The following ENTREP2 variants were observed in gnomAD, a reference collection of about 807,000 sequenced individuals.
The protein encoded by ENTREP2 is endosomal transmembrane epsin interactor 2.
At chr15:29,608,083 A>G in the ENTREP2 span, among the ~76,000 whole-genome samples, 2 of 152,064 alleles carry the variant, frequency 1.3e-5, no homozygotes, top group Non-Finnish European at 2.9e-5. Context: ...TGCCTGCTTT[A>G]TATTTGCTGG....
the ENTREP2 span, among the ~76,000 whole-genome samples, chr15:29,144,433 A>T: frequency 1.3e-5 from 2 of 152,204 alleles, no homozygotes; most frequent in Non-Finnish European, 2.9e-5. Flanking sequence ...AACTCTATCA[A>T]ATATTTAAAG....
chr15:29,483,498 G>C, the ENTREP2 span, among the ~76,000 whole-genome samples: 23 of 152,330 alleles, frequency 1.5e-4, no homozygotes, highest in African/African-American at 5.5e-4. Flanking sequence ...CTATTTTAAA[G>C]TGCATTTTTG....
the ENTREP2 span, among the ~76,000 whole-genome samples, chr15:29,154,679 G>A: frequency 0.039 from 5,945 of 152,256 alleles, 162 homozygotes; most frequent in Middle Eastern, 0.075. Flanking sequence ...TGCTCTGTGC[G>A]TGTGCTAGGA....
At chr15:29,299,016 T>C in the ENTREP2 span, among the ~76,000 whole-genome samples, 84 of 152,018 alleles carry the variant, frequency 5.5e-4, no homozygotes, top group Non-Finnish European at 9.6e-4. Flanking sequence ...AAGAGTAATG[T>C]CCATGGAAAT....
At chr15:29,442,353 G>GC in the ENTREP2 span, among the ~76,000 whole-genome samples, 4 of 152,206 alleles carry the variant, frequency 2.6e-5, no homozygotes, top group African/African-American at 4.8e-5. Flanking sequence ...AAGACCGTGT[G>GC]CAACTATCTT....
the ENTREP2 span, among the ~76,000 whole-genome samples, chr15:29,178,449 C>G: frequency 6.6e-6 from 1 of 152,066 alleles, no homozygotes; most frequent in East Asian, 1.9e-4. Context: ...CTTACCTTCT[C>G]TCTGTTTTTT....
the ENTREP2 span, among the ~76,000 whole-genome samples, chr15:29,463,804 A>G: frequency 6.6e-6 from 1 of 152,036 alleles, no homozygotes; most frequent in Admixed American, 6.5e-5. Flanking sequence ...TGGAAATAAC[A>G]TAAGTGTCCA....
the ENTREP2 span, among the ~76,000 whole-genome samples, chr15:29,553,438 G>GA: frequency 7.9e-5 from 12 of 152,026 alleles, no homozygotes; most frequent in South Asian, 2.1e-4. Flanking sequence ...ATAGTAATCT[G>GA]AAAAAAAATA....
At chr15:29,145,609 C>T in the ENTREP2 span, among the ~76,000 whole-genome samples, 3 of 111,866 alleles carry the variant, frequency 2.7e-5, no homozygotes, top group African/African-American at 3.6e-5. Flanking sequence ...GGCGACAGAG[C>T]GAGACTCCAT....
chr15:29,674,712 CGGAGGGAAGGAGGGGGTGTGGA>C, the ENTREP2 span, among the ~76,000 whole-genome samples: 2 of 100,104 alleles, frequency 2.0e-5, no homozygotes, highest in African/African-American at 3.6e-5. Context: ...GCCGGGGGGG[CGGAGGGAAGGAGGGGGTGTGGA>C]GGAGGGAAGG....
chr15:29,658,192 G>A, the ENTREP2 span, among the ~76,000 whole-genome samples: 1 of 152,148 alleles, frequency 6.6e-6, no homozygotes. Context: ...TCTTGTGATA[G>A]TGAGTGAGTT....
chr15:29,435,033 G>A, the ENTREP2 span, among the ~76,000 whole-genome samples: 1 of 152,064 alleles, frequency 6.6e-6, no homozygotes, highest in Non-Finnish European at 1.5e-5. Context: ...TTTAACTGTG[G>A]TCTGTTTTGA....
chr15:29,247,389 T>C, the ENTREP2 span, among the ~76,000 whole-genome samples: 7 of 152,330 alleles, frequency 4.6e-5, no homozygotes, highest in Admixed American at 2.6e-4. Context: ...TCTAGAAGAC[T>C]AAACATTTAA....
the ENTREP2 span, among the ~76,000 whole-genome samples, chr15:29,547,618 C>T: frequency 6.6e-6 from 1 of 152,098 alleles, no homozygotes; most frequent in Non-Finnish European, 1.5e-5. Flanking sequence ...TGGAAAAATT[C>T]AAACCCTTAT....
At chr15:29,221,485 C>T in the ENTREP2 span, among the ~76,000 whole-genome samples, 6 of 152,170 alleles carry the variant, frequency 3.9e-5, no homozygotes, top group Non-Finnish European at 5.9e-5. Flanking sequence ...CAAGTGTGAG[C>T]CACCACGACC....
chr15:29,530,502 C>G, the ENTREP2 span, among the ~76,000 whole-genome samples: 1 of 152,210 alleles, frequency 6.6e-6, no homozygotes, highest in Admixed American at 6.5e-5. Context: ...GGCACTGCAA[C>G]TACCAGATCG....
chr15:29,408,361 G>A, the ENTREP2 span, among the ~76,000 whole-genome samples: 1 of 152,186 alleles, frequency 6.6e-6, no homozygotes, highest in Non-Finnish European at 1.5e-5. Context: ...AAATAAGGTG[G>A]GAAAGTGTGG....
the ENTREP2 span, among the ~76,000 whole-genome samples, chr15:29,387,505 G>T: frequency 6.6e-6 from 1 of 152,118 alleles, no homozygotes; most frequent in Non-Finnish European, 1.5e-5. Flanking sequence ...CCATGCTCAT[G>T]GATAGGAAGA....
At chr15:29,522,778 C>T in the ENTREP2 span, among the ~76,000 whole-genome samples, 2 of 152,200 alleles carry the variant, frequency 1.3e-5, no homozygotes, top group African/African-American at 2.4e-5. Context: ...ACCTAGAAGG[C>T]TGTTTTTATT....
Sources: allele counts gnomAD v4.1 joint callset (sites outside exome capture counted in the v4.1 genomes callset), GRCh38; gene constraint gnomAD v4.1.1; transcripts MANE v1.5; gene names NCBI Gene and HGNC (gene_info 2026-07-23, HGNC 2026-07-21).